CREB1: variants seen among roughly 807,000 people sequenced by gnomAD.
CREB1 encodes the protein cAMP responsive element binding protein 1.
CREB1 carries 2 observed loss-of-function variants against 42.0 expected under a neutral mutation model. That is an observed-to-expected ratio of 0.05 (90% CI 0.02 to 0.15). CREB1 has a LOEUF of 0.15. Ranked by LOEUF, CREB1 falls within the 10% of genes least tolerant of loss-of-function variation. The probability of loss-of-function intolerance (pLI) is 1.00; values close to 1 mark genes in which losing one functional copy is unlikely to be tolerated. For synonymous variants in CREB1, 123 were observed against 139.9 expected (o/e 0.88, Z 0.85); for missense variants, 199 against 388.9 (o/e 0.51, Z 4.11).
At position 207,597,739 on chromosome 2, in the gene CREB1, A is replaced by G. The variant is rs1053785544; in HGVS notation, c.*681A>G. On this transcript the variant is annotated 3_prime_UTR_variant, in exon 8 of 8. Coordinates refer to ENST00000353267, the MANE Select transcript of CREB1 (RefSeq NM_004379.5). ...TAGGGCAGTTGTTGCTTCTTAATTC[A>G]GTTCTGTATGTGTTCAACATTTTTG... 37 of 204,414 alleles carry G rather than the reference A, an allele frequency of 1.8e-4. No homozygotes were observed. The highest frequency in any genetic ancestry group is 8.5e-4 in the African/African-American group (37 of 43,778). 12.7% of individuals were successfully genotyped at this position (204,414 alleles called of 1,614,324 possible). A position where few individuals can be genotyped will look rare whatever the true frequency, so the allele number is the denominator to read the frequency against.
rs2087345195 is a variant in CREB1 at position 207,602,944 on chromosome 2, T to C, written c.*5886T>C. On this transcript the variant is annotated 3_prime_UTR_variant, in exon 8 of 8. Transcript: ENST00000353267. ...CCCAGATGTATCACTTGAAACTTTT[T>C]AGAAGCAAAATAATCAGGGAAGTTC... 2 of 215,340 alleles carry C rather than the reference T, an allele frequency of 9.3e-6. No individual in the cohort carries two copies. The allele number at this position is 215,340 out of a possible 1,614,324, so 13.3% of individuals were successfully genotyped here.
intron 2 of CREB1, 76 bp downstream of exon 2, chr2:207,555,825 T>C: frequency 1.1e-6 from 1 of 901,102 alleles, no homozygotes; most frequent in South Asian, 1.5e-5. Flanking sequence ...TTAGTTGTTA[T>C]TACATAGATA....
intron 1 of CREB1, among the ~76,000 whole-genome samples, chr2:207,531,077 AG>A (rs2080601302): frequency 6.6e-6 from 1 of 152,128 alleles, no homozygotes; most frequent in African/African-American, 2.4e-5. Flanking sequence ...ATCTTATAAA[AG>A]GGAAGCTGGT....
At chr2:207,592,694 G>A (rs2085295170) in intron 7 of CREB1, among the ~76,000 whole-genome samples, 1 of 152,042 alleles carries the variant, frequency 6.6e-6, no homozygotes, top group Admixed American at 6.6e-5. Flanking sequence ...ACCAAGGCAG[G>A]CGGATCACGA....
intron 4 of CREB1, chr2:207,568,204 A>T (rs1453381751): frequency 6.6e-6 from 1 of 151,994 alleles, no homozygotes; most frequent in South Asian, 2.1e-4. Flanking sequence ...TGTTAGTGTA[A>T]ATTATTTTTT....
Position 207,572,877 on chromosome 2 carries a change from T to TG in CREB1, c.506-2393dup, listed in dbSNP as rs575085643. On this transcript the variant is annotated intron_variant, in intron 5 of 7. Transcript: ENST00000353267. ...TATCCTCCGCAAGTACCCTTCCAGGTGGAGGCATGAATTTCCACTCCTTCC... is the reference window on the plus strand; with the variant it reads ...TATCCTCCGCAAGTACCCTTCCAGGTGGGAGGCATGAATTTCCACTCCTTCC... Among the ~76,000 whole-genome samples, 22 of 152,068 alleles carry TG rather than the reference T, an allele frequency of 1.4e-4. No homozygotes were observed. In the South Asian group the frequency reaches 3.5e-3, roughly 24 times the overall value.
intron 1 of CREB1, among the ~76,000 whole-genome samples, chr2:207,546,966 A>C (rs1362112430): frequency 1.3e-5 from 2 of 152,202 alleles, no homozygotes; most frequent in Admixed American, 1.3e-4. Flanking sequence ...CCATTCCCAA[A>C]TATTACAGAG....
rs1020319916 is a variant in CREB1, at chr2:207,597,064, G to T, written c.*6G>T. 1.9e-6 allele frequency: 3 copies of T among 1,586,874 alleles called. No homozygotes were observed. The highest frequency in any genetic ancestry group is 1.9e-5 in the Admixed American group (1 of 52,430). On this transcript the variant is annotated 3_prime_UTR_variant, in exon 8 of 8. Transcript: ENST00000353267. ...ACTGCCACAAATCAGATTAATTTGG[G>T]ATTTAAATTTTCACCTGTTAAGGTG... is the stretch of plus-strand genomic sequence containing the variant.
At chr2:207,595,522 A>G (rs2085975282) in intron 7 of CREB1, among the ~76,000 whole-genome samples, 1 of 150,810 alleles carries the variant, frequency 6.6e-6, no homozygotes, top group Admixed American at 6.6e-5. Flanking sequence ...CCGGCCTCCA[A>G]CCTCAGCTTC....
At chr2:207,553,714 A>C (rs2081606709) in intron 1 of CREB1, among the ~76,000 whole-genome samples, 1 of 152,228 alleles carries the variant, frequency 6.6e-6, no homozygotes, top group Non-Finnish European at 1.5e-5. Flanking sequence ...TAATTATCCA[A>C]GTAATCCTGA....
chr2:207,567,347 G>T, intron 3 of CREB1, 116 bp from the exon 4 acceptor site: 1 of 637,500 alleles, frequency 1.6e-6, no homozygotes. Flanking sequence ...CATAAGAACT[G>T]ATTTTTTTCT....
intron 3 of CREB1, 44 bp from the exon 4 acceptor site, chr2:207,567,419 G>GA (rs761794670): frequency 7.2e-7 from 1 of 1,383,580 alleles, no homozygotes; most frequent in Non-Finnish European, 1.0e-6. Flanking sequence ...AATTTTACAG[G>GA]AACTAAATTT....
chr2:207,590,460 CTCTGA>C (rs1464008553), intron 7 of CREB1, among the ~76,000 whole-genome samples: 1 of 151,768 alleles, frequency 6.6e-6, no homozygotes, highest in African/African-American at 2.4e-5. Context: ...TTGATTTGTA[CTCTGA>C]TCTTTGTTAT....
intron 3 of CREB1, 148 bp from the exon 4 acceptor site, chr2:207,567,315 A>G (rs188671541): frequency 9.2e-5 from 46 of 502,262 alleles, no homozygotes; most frequent in African/African-American, 7.3e-4. Flanking sequence ...GGAAGGGGAA[A>G]GTGATTGGTG....
chr2:207,549,206 A>C (rs561151850), intron 1 of CREB1, among the ~76,000 whole-genome samples: 1 of 152,224 alleles, frequency 6.6e-6, no homozygotes, highest in African/African-American at 2.4e-5. Flanking sequence ...GTGTGTGTAC[A>C]TATATACATA....
In CREB1 at chr2:207,597,447, T is replaced by C. The variant is rs999543414; in HGVS notation, c.*389T>C. 4.3e-5 allele frequency: 10 copies of C among 233,690 alleles called. No homozygotes were observed. The highest frequency in any genetic ancestry group is 4.2e-5 in the Non-Finnish European group (5 of 119,306). The allele number at this position is 233,690 out of a possible 1,614,324, so 14.5% of individuals were successfully genotyped here. On this transcript the variant is annotated 3_prime_UTR_variant, in exon 8 of 8. Transcript: ENST00000353267. ...CCTTAGGGACAGAATTACCCCAGCC[T>C]CTTGAGCTGAAGTAATGTGTGGGCC...
intron 2 of CREB1, among the ~76,000 whole-genome samples, chr2:207,556,966 A>G (rs781390097): frequency 6.6e-5 from 10 of 152,172 alleles, no homozygotes; most frequent in Non-Finnish European, 1.0e-4. Context: ...GTGAAACCCC[A>G]TCTCTACTAA....
intron 1 of CREB1, among the ~76,000 whole-genome samples, chr2:207,543,304 T>C (rs1398886698): frequency 2.6e-5 from 4 of 152,328 alleles, no homozygotes; most frequent in East Asian, 3.9e-4. Flanking sequence ...CAGTTGTAAC[T>C]ATGATCCAAG....
intron 1 of CREB1, among the ~76,000 whole-genome samples, chr2:207,538,489 C>T (rs1446658943): frequency 3.3e-5 from 5 of 151,682 alleles, no homozygotes; most frequent in Non-Finnish European, 7.4e-5. Context: ...AGGAGTTTAC[C>T]GTGAGACTAG....
Sources: allele counts gnomAD v4.1 joint callset (sites outside exome capture counted in the v4.1 genomes callset), GRCh38; gene constraint gnomAD v4.1.1; transcripts MANE v1.5; gene names NCBI Gene and HGNC (gene_info 2026-07-23, HGNC 2026-07-21).